KCNQ5: variants seen among roughly 807,000 people sequenced by gnomAD.
KCNQ5 encodes the protein potassium voltage-gated channel subfamily Q member 5.
Under a neutral mutation model 98.2 loss-of-function variants are expected in KCNQ5, and 30 were observed. That is an observed-to-expected ratio of 0.31 (90% confidence interval 0.23 to 0.41). KCNQ5 has a LOEUF of 0.41. Ranked by LOEUF, KCNQ5 falls within the 10% of genes least tolerant of loss-of-function variation. KCNQ5 has a pLI of 1.00. For synonymous variants in KCNQ5, 458 were observed against 449.4 expected, an observed-to-expected ratio of 1.02 and a Z score of -0.24; for missense variants, 835 against 1,182.5, an observed-to-expected ratio of 0.71 and a Z score of 4.31.
intron 1 of KCNQ5, among the ~76,000 whole-genome samples, chr6:72,944,776 A>G (rs373969321): frequency 8.5e-5 from 13 of 152,158 alleles, no homozygotes; most frequent in African/African-American, 3.1e-4. Flanking sequence ...GGACAGAGCA[A>G]AGACATTCCA....
chr6:72,836,207 G>A (rs78364644), intron 1 of KCNQ5, among the ~76,000 whole-genome samples: 2,138 of 152,230 alleles, frequency 0.014, 40 homozygotes, highest in Middle Eastern at 0.058. Context: ...AGAGTGAGAA[G>A]AATGATGAGC....
chr6:72,774,495 T>C (rs1773065663), intron 1 of KCNQ5, among the ~76,000 whole-genome samples: 1 of 152,058 alleles, frequency 6.6e-6, no homozygotes, highest in South Asian at 2.1e-4. Context: ...ACATTAACAT[T>C]TAAAAATGTG....
At chr6:72,860,288 C>T (rs1777710482) in intron 1 of KCNQ5, among the ~76,000 whole-genome samples, 1 of 152,058 alleles carries the variant, frequency 6.6e-6, no homozygotes, top group African/African-American at 2.4e-5. Context: ...TAAAAAATAC[C>T]TAACCCTCTG....
chr6:73,051,614 T>A (rs1772238388), intron 3 of KCNQ5, among the ~76,000 whole-genome samples: 1 of 149,626 alleles, frequency 6.7e-6, no homozygotes, highest in African/African-American at 2.5e-5. Context: ...AGCTGAGCCT[T>A]ACCCCCTAAA....
At chr6:72,671,777 C>T (rs1767119246) in intron 1 of KCNQ5, among the ~76,000 whole-genome samples, 1 of 152,016 alleles carries the variant, frequency 6.6e-6, no homozygotes, top group African/African-American at 2.4e-5. Context: ...TATGTATACA[C>T]ATAGATATAC....
At chr6:72,668,005 T>A (rs1356454892) in intron 1 of KCNQ5, among the ~76,000 whole-genome samples, 4 of 152,178 alleles carry the variant, frequency 2.6e-5, no homozygotes, top group African/African-American at 9.7e-5. Context: ...TGGAACAGAA[T>A]AAGGACTTTA....
chr6:72,871,043 G>C (rs1778184000), intron 1 of KCNQ5, among the ~76,000 whole-genome samples: 1 of 152,138 alleles, frequency 6.6e-6, no homozygotes, highest in African/African-American at 2.4e-5. Flanking sequence ...CATAGGTCCA[G>C]GATTGGAGTG....
At chr6:72,798,705 C>A (rs1774474460) in intron 1 of KCNQ5, among the ~76,000 whole-genome samples, 1 of 152,178 alleles carries the variant, frequency 6.6e-6, no homozygotes, top group African/African-American at 2.4e-5. Flanking sequence ...ATACATAATT[C>A]ATAAATGTGA....
Position 73,194,434 on chromosome 6 carries a change from C to A in KCNQ5, c.1837-18C>A, listed in dbSNP as rs1441533345. 2 of 1,587,430 alleles carry A rather than the reference C, an allele frequency of 1.3e-6. No homozygotes were observed. Among genetic ancestry groups the A allele is most frequent in the Non-Finnish European group, 1.7e-6 (2 of 1,165,434 alleles). On this transcript the variant is annotated intron_variant, in intron 13 of 13. Transcript: ENST00000370398. The stretch of plus-strand genomic sequence containing the variant: ...ATAACAGATTATACTCATGTGTAAC[C>A]ATTTTCCTCACTTCTAGGTACAGTC...
At chr6:72,918,756 C>T (rs1381067715) in intron 1 of KCNQ5, among the ~76,000 whole-genome samples, 1 of 152,024 alleles carries the variant, frequency 6.6e-6, no homozygotes. Flanking sequence ...TAATTGGGGG[C>T]CCCTATGCTG....
chr6:72,717,317 C>T (rs1254556198), intron 1 of KCNQ5, among the ~76,000 whole-genome samples: 4 of 152,072 alleles, frequency 2.6e-5, no homozygotes, highest in Admixed American at 1.3e-4. Context: ...TATGTTCCCA[C>T]CATAAAGAAA....
chr6:72,866,625 C>G (rs1777999385), intron 1 of KCNQ5, among the ~76,000 whole-genome samples: 1 of 152,182 alleles, frequency 6.6e-6, no homozygotes, highest in Non-Finnish European at 1.5e-5. Context: ...AGAGATGATA[C>G]AGTTGTGCGT....
chr6:72,808,350 T>C (rs1023156844), intron 1 of KCNQ5, among the ~76,000 whole-genome samples: 3 of 152,118 alleles, frequency 2.0e-5, no homozygotes, highest in Admixed American at 6.5e-5. Flanking sequence ...ACTAAGTTGA[T>C]TTATTTTTGT....
At chr6:72,696,526 A>G (rs1233250384) in intron 1 of KCNQ5, among the ~76,000 whole-genome samples, 1 of 152,244 alleles carries the variant, frequency 6.6e-6, no homozygotes, top group East Asian at 1.9e-4. Flanking sequence ...ATGCAGGTTA[A>G]TAAATGGGCA....
chr6:72,638,531 A>G (rs2098925453), intron 1 of KCNQ5, among the ~76,000 whole-genome samples: 1 of 152,174 alleles, frequency 6.6e-6, no homozygotes. Flanking sequence ...GTTGTACTGG[A>G]GAAGACAGAA....
At chr6:73,055,499 A>G in intron 3 of KCNQ5, 6 of 1,548,764 alleles carry the variant, frequency 3.9e-6, no homozygotes, top group South Asian at 1.1e-5. Flanking sequence ...CAACATCAGT[A>G]AGGATCACAG....
chr6:72,935,153 C>T (rs1765858349), intron 1 of KCNQ5, among the ~76,000 whole-genome samples: 2 of 150,200 alleles, frequency 1.3e-5, no homozygotes, highest in African/African-American at 4.9e-5. Flanking sequence ...TCGCTGCAAC[C>T]TCCACCTCCC....
At chr6:72,704,629 A>T in intron 1 of KCNQ5, among the ~76,000 whole-genome samples, 1 of 114,322 alleles carries the variant, frequency 8.7e-6, no homozygotes, top group African/African-American at 5.1e-5. Context: ...ATTAATTGTT[A>T]TAAATGATAA....
chr6:72,718,445 C>CTTTTTTTT (rs1032425332), intron 1 of KCNQ5, among the ~76,000 whole-genome samples: 1 of 71,450 alleles, frequency 1.4e-5, no homozygotes, highest in Non-Finnish European at 2.5e-5. Flanking sequence ...CCTTTCTGCT[C>CTTTTTTTT]TTTTTTTTTT....
Sources: allele counts gnomAD v4.1 joint callset (sites outside exome capture counted in the v4.1 genomes callset), GRCh38; gene constraint gnomAD v4.1.1; transcripts MANE v1.5; gene names NCBI Gene and HGNC (gene_info 2026-07-23, HGNC 2026-07-21).